MAPKAP1: variants seen among roughly 807,000 people sequenced by gnomAD.
MAPKAP1 encodes target of rapamycin complex 2 subunit MAPKAP1.
In MAPKAP1, 20 loss-of-function variants were observed where a neutral mutation model predicts 65.7. The observed-to-expected ratio is 0.30, with a 90% confidence interval of 0.21 to 0.44. The LOEUF is 0.44. MAPKAP1 is among the 20% of genes least tolerant of loss of function. The pLI, the probability that MAPKAP1 is intolerant of heterozygous loss-of-function variation, is 1.00. For synonymous variants in MAPKAP1, 222 were observed against 244.3 expected (o/e 0.91, Z 0.85); for missense variants, 423 against 648.0 (o/e 0.65, Z 3.77).
At chr9:125,649,684 G>GAT (rs1178765903) in intron 4 of MAPKAP1, among the ~76,000 whole-genome samples, 15 of 150,420 alleles carry the variant, frequency 1.0e-4, no homozygotes, top group Admixed American at 8.7e-4. Flanking sequence ...CAGACAATAG[G>GAT]ATATACCCCA....
chr9:125,589,422 C>A (rs1351858453), intron 4 of MAPKAP1, among the ~76,000 whole-genome samples: 1 of 152,054 alleles, frequency 6.6e-6, no homozygotes, highest in Non-Finnish European at 1.5e-5. Flanking sequence ...CACAGAAGAC[C>A]CTGAGGAAAA....
intron 6 of MAPKAP1, among the ~76,000 whole-genome samples, chr9:125,555,377 T>A (rs533739125): frequency 6.6e-6 from 1 of 152,338 alleles, no homozygotes; most frequent in South Asian, 2.1e-4. Flanking sequence ...TTGTCTAAGG[T>A]CATGCATGTA....
rs1044199278 is a variant in MAPKAP1, at chr9:125,645,736, CAAAAAAAAAA to C, written c.498+11905_498+11914del. On this transcript the variant is annotated intron_variant, in intron 4 of 11. Transcript: ENST00000265960. ...TGCGTGATGGAGCAAGACTCTGTCTCAAAAAAAAAAAAAAAAAAAAAAGTACCAAGTTTCC... is the reference window on the plus strand; with the variant it reads ...TGCGTGATGGAGCAAGACTCTGTCTCAAAAAAAAAAAAGTACCAAGTTTCC... 3.1e-4 allele frequency among the ~76,000 whole-genome samples: 17 copies of C among 54,056 alleles called. No homozygotes were observed. The Admixed American group carries it at 3.4e-3, about 11-fold the overall frequency. 35.5% of individuals were successfully genotyped at this position (54,056 alleles called of 152,430 possible). A position where few individuals can be genotyped will look rare whatever the true frequency, so the allele number is the denominator to read the frequency against.
chr9:125,601,406 T>C (rs1168036839), intron 4 of MAPKAP1, among the ~76,000 whole-genome samples: 1 of 152,220 alleles, frequency 6.6e-6, no homozygotes, highest in Non-Finnish European at 1.5e-5. Context: ...ATTGTTTCCT[T>C]AATTTTAAAT....
rs146480033 is a variant in MAPKAP1, at chr9:125,519,652, T to TTATATATATATA, written c.959-13247_959-13236dup. On this transcript the variant is annotated intron_variant, in intron 7 of 11. Transcript: ENST00000265960. ...TAATATATATACATATATATGTCTT[T>TTATATATATATA]TATATATATATATATATATAATTTA... Among the ~76,000 whole-genome samples the TTATATATATATA allele has an allele frequency of 7.9e-3, 1,121 of 141,682 alleles. 12 individuals carry two copies. Among genetic ancestry groups the TTATATATATATA allele is most frequent in the African/African-American group, 0.025 (997 of 39,188 alleles). The allele number at this position is 141,682 out of a possible 152,430, so 92.9% of individuals were successfully genotyped here.
chr9:125,495,504 TAC>T (rs1854911679), intron 8 of MAPKAP1, among the ~76,000 whole-genome samples: 2 of 152,372 alleles, frequency 1.3e-5, no homozygotes, highest in Non-Finnish European at 2.9e-5. Context: ...ATTAATTACA[TAC>T]ACAGAGTCCC....
Position 125,686,241 on chromosome 9 carries a change from GGC to G in MAPKAP1, c.-69-13600_-69-13599del, listed in dbSNP as rs923943393. On this transcript the variant is annotated intron_variant, in intron 1 of 11. Coordinates refer to ENST00000265960, the MANE Select transcript of MAPKAP1 (RefSeq NM_001006617.3). ...GCGGGAGAACGGCATGAACCCGGGA[GGC>G]GGAGCTTGCAGTGGACCGAGATAGA... 3.3e-5 allele frequency among the ~76,000 whole-genome samples: 5 copies of G among 151,366 alleles called. No individual in the cohort carries two copies. The East Asian group carries it at 9.7e-4, about 29-fold the overall frequency.
chr9:125,506,845 T>A (rs764163394), intron 7 of MAPKAP1, among the ~76,000 whole-genome samples: 4 of 152,244 alleles, frequency 2.6e-5, no homozygotes, highest in Admixed American at 6.5e-5. Context: ...GAGGCAAAGG[T>A]ATTTATTAAT....
At chr9:125,626,745 T>C (rs1321126085) in intron 4 of MAPKAP1, among the ~76,000 whole-genome samples, 1 of 152,180 alleles carries the variant, frequency 6.6e-6, no homozygotes, top group Non-Finnish European at 1.5e-5. Flanking sequence ...ATAAAGTAGA[T>C]ACATTTAATT....
intron 10 of MAPKAP1, among the ~76,000 whole-genome samples, chr9:125,450,303 A>G (rs1485027342): frequency 6.6e-6 from 1 of 152,166 alleles, no homozygotes. Context: ...AAAATACTAG[A>G]AATTTAGAAG....
chr9:125,493,742 G>A (rs910112416), intron 8 of MAPKAP1, among the ~76,000 whole-genome samples: 1 of 152,206 alleles, frequency 6.6e-6, no homozygotes, highest in Non-Finnish European at 1.5e-5. Flanking sequence ...ATGCCAGCAC[G>A]ATGCTCAGCA....
At chr9:125,469,455 C>T (rs541229481) in intron 9 of MAPKAP1, among the ~76,000 whole-genome samples, 2 of 152,272 alleles carry the variant, frequency 1.3e-5, no homozygotes, top group Admixed American at 6.5e-5. Context: ...GTCTGCTACA[C>T]GCTCCATACA....
intron 3 of MAPKAP1, among the ~76,000 whole-genome samples, chr9:125,664,724 CAAAAAA>C (rs1199612669): frequency 1.7e-5 from 1 of 59,930 alleles, no homozygotes; most frequent in Non-Finnish European, 3.2e-5. Context: ...GACTCACTCT[CAAAAAA>C]AAAAAAAAAA....
chr9:125,452,390 C>A (rs774381848), intron 10 of MAPKAP1, among the ~76,000 whole-genome samples: 1 of 152,096 alleles, frequency 6.6e-6, no homozygotes, highest in African/African-American at 2.4e-5. Context: ...TGAGCCACTA[C>A]GCCTGGCCAG....
intron 4 of MAPKAP1, among the ~76,000 whole-genome samples, chr9:125,611,684 T>TA (rs1305017618): frequency 3.9e-5 from 6 of 152,194 alleles, no homozygotes; most frequent in Non-Finnish European, 7.4e-5. Flanking sequence ...GGAGCAGGTG[T>TA]AACTATTTGA....
chr9:125,490,543 AAAC>A (rs1204935705), intron 8 of MAPKAP1, among the ~76,000 whole-genome samples: 2 of 152,200 alleles, frequency 1.3e-5, no homozygotes, highest in African/African-American at 2.4e-5. Flanking sequence ...CTGTCTCAAA[AAAC>A]AAAACAAAAC....
At chr9:125,660,832 C>T (rs555966445) in intron 3 of MAPKAP1, among the ~76,000 whole-genome samples, 3 of 152,338 alleles carry the variant, frequency 2.0e-5, no homozygotes, top group African/African-American at 7.2e-5. Context: ...CTCACCCCAA[C>T]CCTTGTTTCT....
intron 4 of MAPKAP1, among the ~76,000 whole-genome samples, chr9:125,632,285 CTATAT>C (rs1473942269): frequency 6.6e-6 from 1 of 151,586 alleles, no homozygotes; most frequent in Non-Finnish European, 1.5e-5. Context: ...ATTTATTATG[CTATAT>C]TATAATTGTC....
intron 4 of MAPKAP1, among the ~76,000 whole-genome samples, chr9:125,628,326 G>C (rs1833174255): frequency 6.6e-6 from 1 of 152,144 alleles, no homozygotes. Flanking sequence ...AGGTGACAAG[G>C]TGGGAAAAGG....
Sources: allele counts gnomAD v4.1 joint callset (sites outside exome capture counted in the v4.1 genomes callset), GRCh38; gene constraint gnomAD v4.1.1; transcripts MANE v1.5; gene names NCBI Gene and HGNC (gene_info 2026-07-23, HGNC 2026-07-21).